The following MAP7 variants were observed in gnomAD, a reference collection of about 807,000 sequenced individuals.
The protein encoded by MAP7 is ensconsin.
In MAP7, 52 loss-of-function variants were observed where a neutral mutation model predicts 94.8. The observed-to-expected ratio is 0.55, with a 90% confidence interval of 0.44 to 0.69. MAP7 has a LOEUF of 0.69. Ranked by LOEUF, MAP7 falls within the 30% of genes least tolerant of loss-of-function variation. The pLI is 0.00. For missense variants in MAP7, 940 were observed against 964.6 expected (o/e 0.97, Z 0.34); for synonymous variants, 350 against 357.0 (o/e 0.98, Z 0.22).
chr6:136,513,753 G>A (rs950991785), intron 1 of MAP7, among the ~76,000 whole-genome samples: 1 of 152,172 alleles, frequency 6.6e-6, no homozygotes, highest in African/African-American at 2.4e-5. Flanking sequence ...TGTCTATGAG[G>A]AACACCTGAG....
chr6:136,373,821 G>T (rs1775282598), intron 7 of MAP7, among the ~76,000 whole-genome samples: 1 of 152,216 alleles, frequency 6.6e-6, no homozygotes, highest in Non-Finnish European at 1.5e-5. Context: ...CAAACTTGGG[G>T]TGATCTTAAC....
intron 1 of MAP7, among the ~76,000 whole-genome samples, chr6:136,457,707 T>G (rs371403436): frequency 2.1e-4 from 32 of 152,162 alleles, no homozygotes; most frequent in Middle Eastern, 6.8e-3. Context: ...AAAAAACACA[T>G]GACCATCTCA....
At chr6:136,542,592 G>C (rs556186503) in intron 1 of MAP7, among the ~76,000 whole-genome samples, 1 of 152,306 alleles carries the variant, frequency 6.6e-6, no homozygotes, top group South Asian at 2.1e-4. Flanking sequence ...AGGAGGAAGA[G>C]AGAACTTGAA....
At chr6:136,488,444 CTTTTT>C (rs1262255093) in intron 1 of MAP7, among the ~76,000 whole-genome samples, 2 of 133,420 alleles carry the variant, frequency 1.5e-5, no homozygotes, top group Admixed American at 7.6e-5. Flanking sequence ...ATGCTAGGTA[CTTTTT>C]TTTTTTTTTT....
At chr6:136,369,929 G>C (rs1306732863) in intron 8 of MAP7, among the ~76,000 whole-genome samples, 3 of 151,858 alleles carry the variant, frequency 2.0e-5, no homozygotes, top group Non-Finnish European at 4.4e-5. Context: ...TAAACAAATG[G>C]GACAACATCA....
At chr6:136,482,555 C>T (rs1210069982) in intron 1 of MAP7, among the ~76,000 whole-genome samples, 1 of 151,252 alleles carries the variant, frequency 6.6e-6, no homozygotes, top group Non-Finnish European at 1.5e-5. Flanking sequence ...GAGCCAAGAT[C>T]GTGCCACCAC....
At chr6:136,429,532 T>C (rs557137729) in intron 1 of MAP7, among the ~76,000 whole-genome samples, 5 of 152,344 alleles carry the variant, frequency 3.3e-5, no homozygotes, top group Non-Finnish European at 7.3e-5. Context: ...TTTATTTTGA[T>C]AATCTGTTAT....
At chr6:136,371,911 A>C (rs1040316605) in intron 8 of MAP7, among the ~76,000 whole-genome samples, 2 of 152,266 alleles carry the variant, frequency 1.3e-5, no homozygotes, top group Admixed American at 1.3e-4. Flanking sequence ...CACTTACAAA[A>C]TCAGAATTTA....
chr6:136,363,346 A>C (rs1793373814), intron 10 of MAP7, among the ~76,000 whole-genome samples: 1 of 152,240 alleles, frequency 6.6e-6, no homozygotes, highest in South Asian at 2.1e-4. Context: ...CTGGTGCCCC[A>C]GAAGCCCCAC....
intron 8 of MAP7, 50 bp from the exon 9 acceptor site, chr6:136,366,489 C>T: frequency 8.0e-7 from 1 of 1,255,678 alleles, no homozygotes; most frequent in Non-Finnish European, 1.2e-6. Flanking sequence ...GCGAGGCAAA[C>T]ACACTCACAA....
At chr6:136,406,612 G>T (rs1414806690) in intron 3 of MAP7, among the ~76,000 whole-genome samples, 1 of 152,130 alleles carries the variant, frequency 6.6e-6, no homozygotes, top group Admixed American at 6.6e-5. Flanking sequence ...CTTGAGGCCA[G>T]GAAAATCAGA....
At position 136,465,423 on chromosome 6, in the gene MAP7, A is replaced by G. The variant is rs3799433; in HGVS notation, c.68-43624T>C. On this transcript the variant is annotated intron_variant, in intron 1 of 17. Transcript: ENST00000354570. ...TAATAATGAAATTCAGTGCTTATGC[A>G]TCAACTATGTCTTATCCTAATACTT... Among the ~76,000 whole-genome samples the G allele has an allele frequency of 6.1e-4, 93 of 152,332 alleles. 1 individual carries two copies. The East Asian group carries it at 0.015, about 25-fold the overall frequency.
chr6:136,546,105 T>C (rs571708969), intron 1 of MAP7, among the ~76,000 whole-genome samples: 1 of 152,224 alleles, frequency 6.6e-6, no homozygotes, highest in Non-Finnish European at 1.5e-5. Context: ...CTCAACCTCC[T>C]GGGTTCAAGT....
At chr6:136,356,217 AC>A (rs1790876946) in intron 16 of MAP7, among the ~76,000 whole-genome samples, 1 of 152,168 alleles carries the variant, frequency 6.6e-6, no homozygotes, top group South Asian at 2.1e-4. Flanking sequence ...CCCAGGCTGG[AC>A]TGCAGTGGCA....
intron 3 of MAP7, among the ~76,000 whole-genome samples, chr6:136,401,652 G>A (rs908568056): frequency 6.6e-6 from 1 of 151,904 alleles, no homozygotes; most frequent in African/African-American, 2.4e-5. Flanking sequence ...GAGGGGAGAG[G>A]GATAGCATTA....
At chr6:136,416,996 G>C (rs531049772) in intron 2 of MAP7, among the ~76,000 whole-genome samples, 1 of 152,214 alleles carries the variant, frequency 6.6e-6, no homozygotes, top group South Asian at 2.1e-4. Context: ...GCACATGCTT[G>C]TGGTCCCAGC....
At chr6:136,421,864 A>C (rs1466214127) in intron 1 of MAP7, 65 bp from the exon 2 acceptor site, 1 of 1,267,182 alleles carries the variant, frequency 7.9e-7, no homozygotes, top group Non-Finnish European at 1.1e-6. Flanking sequence ...AGAAACATTT[A>C]AGTATTCGAC....
chr6:136,413,043 T>C (rs968491452), intron 2 of MAP7, among the ~76,000 whole-genome samples: 6 of 152,038 alleles, frequency 3.9e-5, no homozygotes, highest in Non-Finnish European at 7.4e-5. Flanking sequence ...GCGCCTGTAG[T>C]CCCAGCCATT....
At chr6:136,374,917 A>G (rs1775640163) in intron 7 of MAP7, among the ~76,000 whole-genome samples, 1 of 152,236 alleles carries the variant, frequency 6.6e-6, no homozygotes, top group Admixed American at 6.5e-5. Flanking sequence ...CTTAAGAAAT[A>G]ATAACAATAT....
Sources: gnomAD v4.1 joint callset for allele counts (sites outside exome capture counted in the v4.1 genomes callset) on GRCh38, gnomAD v4.1.1 for gene constraint, MANE v1.5 for transcripts, NCBI Gene and HGNC (gene_info 2026-07-23, HGNC 2026-07-21) for gene names.